The following CNTNAP5 variants were observed in gnomAD, a reference collection of about 807,000 sequenced individuals.
The protein encoded by CNTNAP5 is contactin-associated protein-like 5.
CNTNAP5 carries 72 observed loss-of-function variants against 150.2 expected under a neutral mutation model. The observed-to-expected ratio is 0.48, with a 90% CI of 0.40 to 0.58. CNTNAP5 has a LOEUF of 0.58. CNTNAP5 is among the 20% of genes least tolerant of loss of function. The pLI, the probability that CNTNAP5 is intolerant of heterozygous loss-of-function variation, is 0.00. For synonymous variants in CNTNAP5, 672 were observed against 619.8 expected (o/e 1.08, Z -1.25); for missense variants, 1,636 against 1,626.2 (o/e 1.01, Z -0.10).
rs1256810799 is a variant in CNTNAP5 at position 124,025,344 on chromosome 2, T to G, written c.-307T>G. On this transcript the variant is annotated 5_prime_UTR_variant, in exon 1 of 24. Transcript: ENST00000682447. ...TGGCTGTCCACCGAGCTCCGGCGCC[T>G]GTCGTTCTAATTGGGTTTGGATTTG... 5 of 307,494 alleles carry G rather than the reference T, an allele frequency of 1.6e-5. No homozygotes were observed. Among genetic ancestry groups the G allele is most frequent in the Non-Finnish European group, 2.5e-5 (4 of 159,534 alleles). 19.0% of individuals were successfully genotyped at this position (307,494 alleles called of 1,614,324 possible).
chr2:124,270,689 G>A (rs115850485), intron 3 of CNTNAP5, among the ~76,000 whole-genome samples: 2,506 of 151,696 alleles, frequency 0.017, 57 homozygotes, highest in African/African-American at 0.051. Flanking sequence ...ACATGTGCGC[G>A]TGCTTGCGTG....
chr2:124,133,749 A>G (rs953809387), intron 1 of CNTNAP5, among the ~76,000 whole-genome samples: 1 of 152,052 alleles, frequency 6.6e-6, no homozygotes, highest in African/African-American at 2.4e-5. Context: ...ATGGTGACAG[A>G]TCTGTTCTAA....
chr2:124,432,668 A>G (rs1273483330), intron 4 of CNTNAP5, among the ~76,000 whole-genome samples: 3 of 152,256 alleles, frequency 2.0e-5, no homozygotes, highest in African/African-American at 7.2e-5. Flanking sequence ...GAATATTAAT[A>G]TTGTGTACAT....
chr2:124,818,652 C>T (rs1305534481), intron 19 of CNTNAP5, among the ~76,000 whole-genome samples: 1 of 152,114 alleles, frequency 6.6e-6, no homozygotes, highest in South Asian at 2.1e-4. Context: ...CATCTCCTCC[C>T]CCACTTTCCA....
chr2:124,443,431 C>G (rs367780657), intron 5 of CNTNAP5, among the ~76,000 whole-genome samples: 21 of 151,830 alleles, frequency 1.4e-4, no homozygotes, highest in African/African-American at 5.1e-4. Flanking sequence ...TTCTATTTTA[C>G]CATCAGTGTA....
intron 13 of CNTNAP5, among the ~76,000 whole-genome samples, chr2:124,682,590 C>A (rs748984320): frequency 6.6e-6 from 1 of 152,190 alleles, no homozygotes; most frequent in East Asian, 1.9e-4. Context: ...ACATCAAATA[C>A]CCCACATCTT....
intron 3 of CNTNAP5, among the ~76,000 whole-genome samples, chr2:124,289,650 A>G (rs1688237131): frequency 6.6e-6 from 1 of 152,192 alleles, no homozygotes; most frequent in African/African-American, 2.4e-5. Context: ...TTCAATGTAT[A>G]TTTTTTAAAT....
At chr2:124,190,895 T>C (rs952918581) in intron 1 of CNTNAP5, among the ~76,000 whole-genome samples, 4 of 152,248 alleles carry the variant, frequency 2.6e-5, no homozygotes, top group African/African-American at 4.8e-5. Context: ...ACTGACTATG[T>C]GTTATTTACC....
chr2:124,566,117 T>A (rs1365446402), intron 11 of CNTNAP5, among the ~76,000 whole-genome samples: 1 of 148,762 alleles, frequency 6.7e-6, no homozygotes, highest in Admixed American at 6.8e-5. Context: ...GAACACCATA[T>A]ACCTATAGAG....
intron 1 of CNTNAP5, among the ~76,000 whole-genome samples, chr2:124,043,477 C>T (rs1681444140): frequency 6.6e-6 from 1 of 152,140 alleles, no homozygotes; most frequent in Non-Finnish European, 1.5e-5. Flanking sequence ...TAACGATAGC[C>T]ACCACACTTC....
intron 1 of CNTNAP5, among the ~76,000 whole-genome samples, chr2:124,208,074 C>T (rs77084419): frequency 0.023 from 3,502 of 152,190 alleles, 134 homozygotes; most frequent in African/African-American, 0.078. Flanking sequence ...TATTTTTAGC[C>T]TGTCCCCAAA....
At chr2:124,668,654 A>ATT (rs1017577773) in intron 13 of CNTNAP5, among the ~76,000 whole-genome samples, 1 of 152,056 alleles carries the variant, frequency 6.6e-6, no homozygotes, top group Non-Finnish European at 1.5e-5. Flanking sequence ...TGAAAACATC[A>ATT]TTTTTTTCTA....
chr2:124,380,280 A>G (rs1001755122), intron 3 of CNTNAP5, among the ~76,000 whole-genome samples: 17 of 152,284 alleles, frequency 1.1e-4, no homozygotes, highest in African/African-American at 3.1e-4. Flanking sequence ...GAGAATTTCC[A>G]TGAGAGATAA....
At chr2:124,184,262 C>G (rs1480158725) in intron 1 of CNTNAP5, among the ~76,000 whole-genome samples, 2 of 152,116 alleles carry the variant, frequency 1.3e-5, no homozygotes, top group East Asian at 3.9e-4. Flanking sequence ...GCTGGAAATA[C>G]AAGTGAGAAT....
intron 21 of CNTNAP5, among the ~76,000 whole-genome samples, chr2:124,884,073 A>G (rs1367697726): frequency 6.6e-6 from 1 of 152,014 alleles, no homozygotes; most frequent in Non-Finnish European, 1.5e-5. Flanking sequence ...GTGTATGTGC[A>G]TATCTGTCAT....
At position 124,139,929 on chromosome 2, in the gene CNTNAP5, C is replaced by A. The variant is rs546584790; in HGVS notation, c.83-81776C>A. 3.3e-5 allele frequency among the ~76,000 whole-genome samples: 5 copies of A among 152,086 alleles called. No homozygotes were observed. In the South Asian group the frequency reaches 8.3e-4, roughly 25 times the overall value. On this transcript the variant is annotated intron_variant, in intron 1 of 23. Coordinates refer to ENST00000682447, the MANE Select transcript of CNTNAP5 (RefSeq NM_001367498.1). ...GACAGTGGGCGCAGGCCAGTGTGTG[C>A]GCGCACCGTGCACGAGCCGAAGCAG...
At chr2:124,361,945 G>T (rs1690214877) in intron 3 of CNTNAP5, among the ~76,000 whole-genome samples, 1 of 152,194 alleles carries the variant, frequency 6.6e-6, no homozygotes, top group South Asian at 2.1e-4. Flanking sequence ...AGACTGCTGT[G>T]CTAGCAATCA....
At chr2:124,410,894 G>A (rs1416707930) in intron 3 of CNTNAP5, among the ~76,000 whole-genome samples, 17 of 151,384 alleles carry the variant, frequency 1.1e-4, no homozygotes, top group Admixed American at 1.3e-4. Context: ...CAGAACTGAA[G>A]GAAATAGAGA....
intron 13 of CNTNAP5, among the ~76,000 whole-genome samples, chr2:124,671,407 C>G (rs1678821363): frequency 6.6e-6 from 1 of 152,146 alleles, no homozygotes; most frequent in African/African-American, 2.4e-5. Context: ...TTCTGAACCA[C>G]AGTTTTCTCA....
Sources: allele counts gnomAD v4.1 joint callset (sites outside exome capture counted in the v4.1 genomes callset), GRCh38; gene constraint gnomAD v4.1.1; transcripts MANE v1.5; gene names NCBI Gene and HGNC (gene_info 2026-07-23, HGNC 2026-07-21).